SLC25A29: variants seen among roughly 807,000 people sequenced by gnomAD.
The protein encoded by SLC25A29 is mitochondrial basic amino acids transporter.
SLC25A29 carries 13 observed loss-of-function variants against 10.0 expected under a neutral mutation model. The observed-to-expected ratio is 1.30, with a 90% CI of 0.85 to 2.07. The LOEUF (loss-of-function observed/expected upper bound fraction) is 2.07. Ranked by LOEUF, SLC25A29 falls within the 30% of genes most tolerant of loss-of-function variation. The probability of loss-of-function intolerance (pLI) is 0.00; values close to 1 mark genes in which losing one functional copy is unlikely to be tolerated. For missense variants in SLC25A29, 475 were observed against 447.6 expected (o/e 1.06, Z -0.55); for synonymous variants, 244 against 221.1 (o/e 1.10, Z -0.92).
chr14:100,294,656 C>G (rs1892013073), intron 2 of SLC25A29: 1 of 152,146 alleles, frequency 6.6e-6, no homozygotes, highest in East Asian at 1.9e-4. Flanking sequence ...CTGTGTTGCT[C>G]AGAGTGAGGG....
the SLC25A29 span, chr14:100,279,102 C>G: frequency 6.6e-6 from 1 of 152,248 alleles, no homozygotes; most frequent in South Asian, 2.1e-4. Flanking sequence ...ATGAGTACCT[C>G]TCACATTGTA....
At chr14:100,286,471 G>GC (rs1195077914), downstream of SLC25A29, among the ~76,000 whole-genome samples, 1 of 12,170 alleles carries the variant, frequency 8.2e-5, no homozygotes, top group Non-Finnish European at 2.4e-4. Context: ...GAGCATGGCT[G>GC]GGGGGGGGGG....
Position 100,306,423 on chromosome 14 carries a change from C to A in SLC25A29, c.-191G>T. ...GGCAGCAGCTAGACCCGCGCTGGTC[C>A]CTCGGCGGCAGCTGACTCGCTGGAT... On this transcript the variant is annotated 5_prime_UTR_variant, in exon 1 of 4. Coordinates refer to ENST00000359232, the MANE Select transcript of SLC25A29 (RefSeq NM_001039355.3). 2.4e-6 allele frequency: 1 copy of A among 413,980 alleles called. No homozygotes were observed. The highest frequency in any genetic ancestry group is 4.0e-6 in the Non-Finnish European group (1 of 251,554). The allele number at this position is 413,980 out of a possible 1,614,324, so 25.6% of individuals were successfully genotyped here.
Position 100,291,882 on chromosome 14 carries a change from G to C in SLC25A29, c.*401C>G. On this transcript the variant is annotated 3_prime_UTR_variant, in exon 4 of 4. Coordinates refer to ENST00000359232, the MANE Select transcript of SLC25A29 (RefSeq NM_001039355.3). ...GTGTGGAGTTAGAGGTCCCTGGGTGGCCCCTTGGTTGGCCATCAGAGACCC... is the reference window on the plus strand; with the variant it reads ...GTGTGGAGTTAGAGGTCCCTGGGTGCCCCCTTGGTTGGCCATCAGAGACCC... 1 of 276,680 alleles carries C rather than the reference G, an allele frequency of 3.6e-6. No individual in the cohort carries two copies. The highest frequency in any genetic ancestry group is 3.3e-5 in the South Asian group (1 of 30,166). 17.1% of individuals were successfully genotyped at this position (276,680 alleles called of 1,614,324 possible).
chr14:100,293,388 A>C lies in SLC25A29; in HGVS notation c.79-11T>G. 6.2e-7 allele frequency: 1 copy of C among 1,611,898 alleles called. No homozygotes were observed. The highest frequency in any genetic ancestry group is 8.5e-7 in the Non-Finnish European group (1 of 1,179,378). On this transcript the variant is annotated splice_polypyrimidine_tract_variant and intron_variant, in intron 2 of 3. Coordinates refer to ENST00000359232, the MANE Select transcript of SLC25A29 (RefSeq NM_001039355.3). ...GACCTGAAGCCGTACCTGGAAGGAG[A>C]GGGTCCAGTGAGAGGCAGGCAGGCA...
At chr14:100,293,062 G>A (rs772538758) in intron 3 of SLC25A29, 30 bp from the exon 4 acceptor site, 4 of 1,499,838 alleles carry the variant, frequency 2.7e-6, no homozygotes, top group African/African-American at 1.4e-5. Context: ...ATCAGAGCCG[G>A]CAACGCGCAC....
At chr14:100,296,152 A>G (rs1340921599) in intron 2 of SLC25A29, 5 of 695,374 alleles carry the variant, frequency 7.2e-6, no homozygotes, top group Non-Finnish European at 1.0e-5. Context: ...AAGTGAGGAC[A>G]GTGGGCCAGG....
chr14:100,291,838 A>AC lies in SLC25A29; in HGVS notation c.*444dup, dbSNP rs1321537784. On this transcript the variant is annotated 3_prime_UTR_variant, in exon 4 of 4. Transcript: ENST00000359232. Reference sequence around the variant, plus strand: ...ACACAGACCAGAGGGGTGGCCCACCACCCCCCCGGGTGGAGGATGTGTGGA... The same window carrying AC: ...ACACAGACCAGAGGGGTGGCCCACCACCCCCCCCGGGTGGAGGATGTGTGGA... 6.4e-5 allele frequency: 15 copies of AC among 235,468 alleles called. No individual in the cohort carries two copies. The highest frequency in any genetic ancestry group is 3.2e-4 in the East Asian group (2 of 6,282). 14.6% of individuals were successfully genotyped at this position (235,468 alleles called of 1,614,324 possible).
At position 100,293,363 on chromosome 14, in the gene SLC25A29, G is replaced by T; in HGVS notation, c.93C>A (p.Val31=). The stretch of plus-strand genomic sequence containing the variant: ...GGTACTGAGGCTTCTCCACGCTCTG[G>T]ACCTGAAGCCGTACCTGGAAGGAGA... ...PFDTVKVRLQ[V]QSVEKPQYRG... is the part of the protein sequence containing the mutation. Residue 31 remains valine (V), a synonymous_variant, in exon 3 of 4, where the codon GTC becomes GTA. Transcript: ENST00000359232. The T allele has an allele frequency of 6.2e-7, 1 of 1,613,086 alleles. No homozygotes were observed. The highest frequency in any genetic ancestry group is 8.5e-7 in the Non-Finnish European group (1 of 1,179,934).
At chr14:100,290,297 T>A (rs897678523), downstream of SLC25A29, among the ~76,000 whole-genome samples, 1 of 152,214 alleles carries the variant, frequency 6.6e-6, no homozygotes, top group Non-Finnish European at 1.5e-5. Context: ...AAGGGGCCCC[T>A]CTCTGTGCCC....
At chr14:100,295,376 T>G (rs1218721862) in intron 2 of SLC25A29, 4 of 327,074 alleles carry the variant, frequency 1.2e-5, no homozygotes. Context: ...GGGAAACTAG[T>G]CATTTGGACA....
chr14:100,306,262 T>G lies in SLC25A29; in HGVS notation c.-30A>C. ...GGGTCCCCGGCGAGGCCGCCTTTCC[T>G]CCTCGTCCTCCCCCTGAGGCCCCTC... On this transcript the variant is annotated 5_prime_UTR_variant, in exon 1 of 4. Coordinates refer to ENST00000359232, the MANE Select transcript of SLC25A29 (RefSeq NM_001039355.3). 1 of 1,460,412 alleles carries G rather than the reference T, an allele frequency of 6.8e-7. No individual in the cohort carries two copies. 90.5% of individuals were successfully genotyped at this position (1,460,412 alleles called of 1,614,324 possible). A position where few individuals can be genotyped will look rare whatever the true frequency, so the allele number is the denominator to read the frequency against.
the SLC25A29 span, among the ~76,000 whole-genome samples, chr14:100,284,531 C>G: frequency 1.3e-5 from 2 of 152,206 alleles, no homozygotes; most frequent in South Asian, 2.1e-4. Context: ...CCAGTCCTGG[C>G]TTTATCTCAT....
chr14:100,293,518 G>A, intron 2 of SLC25A29, 141 bp from the exon 3 acceptor site: 1 of 669,090 alleles, frequency 1.5e-6, no homozygotes, highest in Non-Finnish European at 2.6e-6. Context: ...TAATTCCAGG[G>A]CAGGGTGGGC....
At chr14:100,287,806 G>A (rs1891575420), downstream of SLC25A29, among the ~76,000 whole-genome samples, 2 of 152,132 alleles carry the variant, frequency 1.3e-5, no homozygotes, top group African/African-American at 2.4e-5. Flanking sequence ...CTGATGCAAC[G>A]AAATAAAGTC....
chr14:100,299,542 G>C, intron 1 of SLC25A29: 1 of 986,012 alleles, frequency 1.0e-6, no homozygotes, highest in Non-Finnish European at 1.2e-6. Context: ...GTGACTGTGC[G>C]GTCATCCTTG....
chr14:100,299,792 A>C, intron 1 of SLC25A29: 1 of 985,462 alleles, frequency 1.0e-6, no homozygotes, highest in South Asian at 4.7e-5. Context: ...TCACGTGGAC[A>C]TCTGTTCAAG....
the SLC25A29 span, chr14:100,281,143 T>C: frequency 7.2e-6 from 1 of 138,566 alleles, no homozygotes; most frequent in Non-Finnish European, 1.5e-5. Context: ...GCAAAGAGAG[T>C]TGATCACTTC....
downstream of SLC25A29, among the ~76,000 whole-genome samples, chr14:100,289,117 G>A (rs1229478925): frequency 6.6e-6 from 1 of 152,222 alleles, no homozygotes; most frequent in East Asian, 1.9e-4. Context: ...CCAGAAGCTT[G>A]GAAGAAGCAG....
Sources: allele counts gnomAD v4.1 joint callset (sites outside exome capture counted in the v4.1 genomes callset), GRCh38; gene constraint gnomAD v4.1.1; transcripts MANE v1.5; gene names NCBI Gene and HGNC (gene_info 2026-07-23, HGNC 2026-07-21).